Variants in ATP9B observed in about 807,000 individuals in gnomAD.
ATP9B encodes the protein ATPase phospholipid transporting 9B, also known as probable phospholipid-transporting ATPase IIB.
A neutral mutation model predicts 146.1 loss-of-function variants in ATP9B; 110 were observed. The ratio of observed to expected loss-of-function variants is 0.75; its 90% CI spans 0.65 to 0.88. ATP9B has a LOEUF of 0.88. Ranked by LOEUF, ATP9B falls within the 40% of genes least tolerant of loss-of-function variation. The pLI is 0.00. For missense variants in ATP9B, 1,499 were observed against 1,496.4 expected (o/e 1.00, Z -0.03); for synonymous variants, 604 against 569.7 (o/e 1.06, Z -0.86).
intron 5 of ATP9B, among the ~76,000 whole-genome samples, chr18:79,127,186 T>C (rs2094301360): frequency 6.6e-6 from 1 of 152,228 alleles, no homozygotes; most frequent in Non-Finnish European, 1.5e-5. Context: ...TAACACCTTA[T>C]TGGGCTCTAT....
chr18:79,143,179 C>T (rs1208950227), intron 5 of ATP9B, among the ~76,000 whole-genome samples: 1 of 152,138 alleles, frequency 6.6e-6, no homozygotes, highest in Admixed American at 6.5e-5. Context: ...GTGCAACATT[C>T]ATCTACTCTA....
chr18:79,257,503 C>T (rs190618813), intron 12 of ATP9B, among the ~76,000 whole-genome samples: 9 of 152,334 alleles, frequency 5.9e-5, no homozygotes, highest in African/African-American at 1.2e-4. Context: ...AAAGTCAAAC[C>T]GGGCACTGGA....
In ATP9B at chr18:79,113,302, A is replaced by T; in HGVS notation, c.506A>T (p.Gln169Leu). The T allele has an allele frequency of 6.2e-7, 1 of 1,602,116 alleles. No homozygotes were observed. Among genetic ancestry groups the T allele is most frequent in the Non-Finnish European group, 8.5e-7 (1 of 1,170,686 alleles). The change falls in exon 4 of 30, where the codon CAG becomes CTG. Residue 169 changes from glutamine to leucine, a missense_variant. Gln to Leu is a moderately radical substitution (Grantham distance 113). Coordinates refer to ENST00000426216, the MANE Select transcript of ATP9B (RefSeq NM_198531.5). ...TATTTTCTAGTAATATCCTGCTCACAGTTTGTACCAGCATTGAAAATAGGC... is the reference window on the plus strand; with the variant it reads ...TATTTTCTAGTAATATCCTGCTCACTGTTTGTACCAGCATTGAAAATAGGC... ...NLYFLVISCS[Q>L]FVPALKIGYL...
intron 26 of ATP9B, chr18:79,362,300 GTC>G (rs1379725685): frequency 1.3e-5 from 2 of 152,132 alleles, no homozygotes; most frequent in East Asian, 3.9e-4. Flanking sequence ...ATAAACATTT[GTC>G]CCCTGCTGTG....
chr18:79,377,248 T>G lies in ATP9B; in HGVS notation c.3309T>G (p.Asp1103Glu). The change falls in exon 30 of 30, where the codon GAT (aspartate) becomes GAG (glutamate). Residue 1103 changes from aspartate (D) to glutamate (E), a missense_variant and splice_region_variant. Asp to Glu is a conservative substitution (Grantham distance 45). Transcript: ENST00000426216. Reference protein sequence around the residue: ...IGRVSFGAFLDVAFITTVTFL... With the variant: ...IGRVSFGAFLEVAFITTVTFL... ...TTTTTCTCTGTTTCCTGCCAACAGA[T>G]GTTGCCTTTATCACCACCGTGACCT... 1.2e-6 allele frequency: 2 copies of G among 1,611,732 alleles called. No individual in the cohort carries two copies. Among genetic ancestry groups the G allele is most frequent in the South Asian group, 1.1e-5 (1 of 91,072 alleles).
chr18:79,332,028 G>A (rs1425566522), intron 17 of ATP9B, among the ~76,000 whole-genome samples: 1 of 152,212 alleles, frequency 6.6e-6, no homozygotes, highest in Admixed American at 6.5e-5. Flanking sequence ...CCTGTTGAAC[G>A]AAGCCATACT....
chr18:79,105,415 C>T (rs1180193081), intron 2 of ATP9B, among the ~76,000 whole-genome samples: 1 of 152,130 alleles, frequency 6.6e-6, no homozygotes, highest in Non-Finnish European at 1.5e-5. Flanking sequence ...AAGTGTATTT[C>T]TATTTGTAGA....
intron 8 of ATP9B, among the ~76,000 whole-genome samples, chr18:79,187,539 G>A (rs904820389): frequency 1.3e-5 from 2 of 152,272 alleles, no homozygotes; most frequent in African/African-American, 2.4e-5. Context: ...CTACAGCTCC[G>A]AAGTTCTATT....
intron 3 of ATP9B, among the ~76,000 whole-genome samples, chr18:79,112,524 ATAT>A (rs2093992795): frequency 6.6e-6 from 1 of 152,156 alleles, no homozygotes; most frequent in Non-Finnish European, 1.5e-5. Flanking sequence ...ATATTTGAAA[ATAT>A]TATTAAGAAT....
In ATP9B at chr18:79,113,341, A is replaced by G. The variant is rs754446912; in HGVS notation, c.545A>G (p.Tyr182Cys). The change falls in exon 4 of 30, where the codon TAC becomes TGC. Residue 182 changes from tyrosine (Y) to cysteine (C), a missense_variant. Physicochemically the swap from Tyr to Cys is radical, Grantham distance 194. Transcript: ENST00000426216. ...PALKIGYLYT[Y>C]WAPLGFVLAV... ...TTGAAAATAGGCTATCTCTACACCT[A>G]CTGGGCTCCTCTGGTAAGAAAAGAC... The G allele has an allele frequency of 1.3e-6, 2 of 1,552,828 alleles. No individual in the cohort carries two copies. Among genetic ancestry groups the G allele is most frequent in the East Asian group, 2.3e-5 (1 of 44,326 alleles).
intron 11 of ATP9B, among the ~76,000 whole-genome samples, chr18:79,248,404 G>C (rs763902462): frequency 6.6e-6 from 1 of 152,180 alleles, no homozygotes; most frequent in Non-Finnish European, 1.5e-5. Flanking sequence ...TCTACTAGCA[G>C]TGGAAAATAT....
At chr18:79,200,244 A>G (rs920476908) in intron 9 of ATP9B, among the ~76,000 whole-genome samples, 3 of 152,208 alleles carry the variant, frequency 2.0e-5, no homozygotes, top group Non-Finnish European at 4.4e-5. Flanking sequence ...TGATGGGGCT[A>G]CTGTGGTTTG....
At chr18:79,241,335 G>A (rs2095886501) in intron 11 of ATP9B, among the ~76,000 whole-genome samples, 1 of 151,938 alleles carries the variant, frequency 6.6e-6, no homozygotes, top group Non-Finnish European at 1.5e-5. Flanking sequence ...GCTACCTAGG[G>A]TGATACTTAA....
At chr18:79,294,775 G>A (rs1176819791) in intron 13 of ATP9B, among the ~76,000 whole-genome samples, 1 of 152,170 alleles carries the variant, frequency 6.6e-6, no homozygotes, top group Non-Finnish European at 1.5e-5. Context: ...ACATGCCCAT[G>A]GTTGAAATGA....
intron 26 of ATP9B, chr18:79,361,829 C>T: frequency 1.0e-6 from 1 of 985,162 alleles, no homozygotes; most frequent in Non-Finnish European, 1.2e-6. Context: ...AGTTTATCCA[C>T]ACCGGTCAGT....
chr18:79,279,949 T>C (rs1417024856), intron 13 of ATP9B, among the ~76,000 whole-genome samples: 1 of 152,242 alleles, frequency 6.6e-6, no homozygotes. Context: ...GCACGTGTTC[T>C]ACTCTCCAGC....
In ATP9B at chr18:79,377,606, TGGCTTCTCCCTCTCAGTGCGA is replaced by T; in HGVS notation, c.*230_*250del. On this transcript the variant is annotated 3_prime_UTR_variant, in exon 30 of 30. Transcript: ENST00000426216. ...CAAGCCCAGGGCACAGATGCCAGGA[TGGCTTCTCCCTCTCAGTGCGA>T]GGCTTCACCCCTGCCAGGCAAGCCC... The T allele has an allele frequency of 6.8e-6, 4 of 586,720 alleles. 1 individual carries two copies. The South Asian group carries it at 8.5e-5, about 12-fold the overall frequency. 36.3% of individuals were successfully genotyped at this position (586,720 alleles called of 1,614,324 possible).
chr18:79,151,348 C>T (rs1213103370), intron 6 of ATP9B, among the ~76,000 whole-genome samples: 1 of 151,976 alleles, frequency 6.6e-6, no homozygotes, highest in Non-Finnish European at 1.5e-5. Context: ...CTTTTTTGGC[C>T]CCATGTTCTT....
chr18:79,200,670 C>T (rs1159389664), intron 9 of ATP9B, among the ~76,000 whole-genome samples: 1 of 102 alleles, frequency 9.8e-3, no homozygotes, highest in Non-Finnish European at 0.022. Flanking sequence ...ATAAAGGATA[C>T]ATTTCTGAAT....
Sources: gnomAD v4.1 joint callset for allele counts (sites outside exome capture counted in the v4.1 genomes callset) on GRCh38, gnomAD v4.1.1 for gene constraint, MANE v1.5 for transcripts, NCBI Gene and HGNC (gene_info 2026-07-23, HGNC 2026-07-21) for gene names.